The following NT5DC3 variants were observed in gnomAD, a reference collection of about 807,000 sequenced individuals.
The protein encoded by NT5DC3 is 5'-nucleotidase domain containing 3.
In NT5DC3, 42 loss-of-function variants were observed where a neutral mutation model predicts 67.8. The observed-to-expected ratio is 0.62, with a 90% confidence interval of 0.48 to 0.80. NT5DC3 has a LOEUF of 0.80. Ranked by LOEUF, NT5DC3 falls within the 30% of genes least tolerant of loss-of-function variation. The probability of loss-of-function intolerance (pLI) is 0.00; values close to 1 mark genes in which losing one functional copy is unlikely to be tolerated. For synonymous variants in NT5DC3, 237 were observed against 255.6 expected, an observed-to-expected ratio of 0.93 and a Z score of 0.69; for missense variants, 570 against 696.4, an observed-to-expected ratio of 0.82 and a Z score of 2.04.
chr12:103,807,009 A>G, intron 2 of NT5DC3, 80 bp from the exon 3 acceptor site: 1 of 812,036 alleles, frequency 1.2e-6, no homozygotes, highest in Non-Finnish European at 2.1e-6. Context: ...CCTTGTACAA[A>G]GGCTGAGGTA....
intron 10 of NT5DC3, among the ~76,000 whole-genome samples, chr12:103,788,609 C>T (rs965336070): frequency 2.6e-5 from 4 of 152,056 alleles, no homozygotes; most frequent in South Asian, 2.1e-4. Flanking sequence ...GAAAGTCATG[C>T]CTTAAATTTT....
chr12:103,756,724 T>A, the NT5DC3 span, among the ~76,000 whole-genome samples: 1 of 152,202 alleles, frequency 6.6e-6, no homozygotes, highest in East Asian at 1.9e-4. Flanking sequence ...GAAAGGGCAC[T>A]GAGCATGAGT....
chr12:103,807,009 A>T, intron 2 of NT5DC3, 80 bp from the exon 3 acceptor site: 1 of 812,036 alleles, frequency 1.2e-6, no homozygotes, highest in Non-Finnish European at 2.1e-6. Flanking sequence ...CCTTGTACAA[A>T]GGCTGAGGTA....
the NT5DC3 span, among the ~76,000 whole-genome samples, chr12:103,761,936 C>T: frequency 0.47 from 70,959 of 152,026 alleles, 17,567 homozygotes; most frequent in East Asian, 0.88. Context: ...GAGAGTTCCA[C>T]AGCATAGTGG....
chr12:103,780,863 G>A (rs1885520829), intron 12 of NT5DC3, among the ~76,000 whole-genome samples: 1 of 152,180 alleles, frequency 6.6e-6, no homozygotes, highest in African/African-American at 2.4e-5. Context: ...GCATGTCAAA[G>A]TATGTGCTTA....
chr12:103,782,880 G>C (rs1465985089), intron 12 of NT5DC3, among the ~76,000 whole-genome samples: 1 of 152,128 alleles, frequency 6.6e-6, no homozygotes, highest in Non-Finnish European at 1.5e-5. Flanking sequence ...CAGCTACTTG[G>C]GAGGCTGAGA....
In NT5DC3 at chr12:103,777,982, G is replaced by T. The variant is rs769267544; in HGVS notation, c.1494C>A (p.Asp498Glu). 3 of 1,614,242 alleles carry T rather than the reference G, an allele frequency of 1.9e-6. No homozygotes were observed. The Admixed American group carries it at 5.0e-5, about 27-fold the overall frequency. Residue 498 changes from aspartate to glutamate, a missense_variant, in exon 14 of 14, where the codon GAC (aspartate) becomes GAA (glutamate). Around this residue, in one of 2 missense-constraint regions of NT5DC3, gnomAD observed 466 missense variants for 608.0 expected, o/e 0.77. Transcript: ENST00000392876. ...GGCAGCTCAGAGACGCCATGTAGAT[G>T]TCAGCGAAGCGCGACAGGCGCCTTA... ...YFLRRLSRFA[D>E]IYMASLSCLL...
Position 103,788,707 on chromosome 12 carries a change from TAATCAATCAG to T in NT5DC3, c.1101+121_1101+130del, listed in dbSNP as rs1885903162. 3 of 666,608 alleles carry T rather than the reference TAATCAATCAG, an allele frequency of 4.5e-6. No individual in the cohort carries two copies. In the African/African-American group the frequency reaches 5.3e-5, roughly 12 times the overall value. The allele number at this position is 666,608 out of a possible 1,614,324, so 41.3% of individuals were successfully genotyped here. ...TAAACCTAAGTTTACCACCAAGTTA[TAATCAATCAG>T]TTCATGGGAATCACTCAGAACTGTG... On this transcript the variant is annotated intron_variant, in intron 10 of 13. Transcript: ENST00000392876.
chr12:103,746,658 G>T, the NT5DC3 span: 1 of 1,614,098 alleles, frequency 6.2e-7, no homozygotes, highest in Non-Finnish European at 8.5e-7. Context: ...AGAACAACAC[G>T]TGTGAGTGTA....
intron 12 of NT5DC3, 44 bp from the exon 13 acceptor site, chr12:103,780,408 T>C (rs1885502720): frequency 1.3e-6 from 2 of 1,575,172 alleles, no homozygotes; most frequent in East Asian, 2.2e-5. Context: ...TGATTTCAAA[T>C]AAGCTCATTA....
the NT5DC3 span, among the ~76,000 whole-genome samples, chr12:103,760,351 C>T: frequency 6.6e-6 from 1 of 152,194 alleles, no homozygotes; most frequent in Non-Finnish European, 1.5e-5. Context: ...ACCTCCCCCT[C>T]CTGGATTCAA....
intron 2 of NT5DC3, among the ~76,000 whole-genome samples, chr12:103,810,331 A>G (rs1319885191): frequency 6.6e-6 from 1 of 152,216 alleles, no homozygotes; most frequent in Non-Finnish European, 1.5e-5. Flanking sequence ...ACACAGCATC[A>G]GTAGAACACC....
chr12:103,758,333 T>C, the NT5DC3 span: 3 of 1,606,724 alleles, frequency 1.9e-6, no homozygotes, highest in Non-Finnish European at 2.5e-6. Flanking sequence ...TAGCATGTTA[T>C]CTATCACCAC....
chr12:103,836,018 C>T (rs568613239), intron 1 of NT5DC3, among the ~76,000 whole-genome samples: 8 of 152,132 alleles, frequency 5.3e-5, no homozygotes, highest in Non-Finnish European at 1.2e-4. Flanking sequence ...TATCAGATCT[C>T]GTGAGACTTA....
chr12:103,761,178 T>G, the NT5DC3 span: 1 of 808,840 alleles, frequency 1.2e-6, no homozygotes, highest in Non-Finnish European at 2.0e-6. Flanking sequence ...CTGGGCTGCC[T>G]ATCAGTGGAG....
At chr12:103,819,129 C>T (rs2139433889) in intron 1 of NT5DC3, among the ~76,000 whole-genome samples, 1 of 152,320 alleles carries the variant, frequency 6.6e-6, no homozygotes, top group Admixed American at 6.5e-5. Flanking sequence ...TCTCCAAAAG[C>T]TGCATGGGAA....
intron 2 of NT5DC3, among the ~76,000 whole-genome samples, chr12:103,811,911 G>A (rs887560278): frequency 6.6e-6 from 1 of 151,974 alleles, no homozygotes; most frequent in East Asian, 1.9e-4. Flanking sequence ...CATGGACACG[G>A]AGTGCGAGCG....
Position 103,800,677 on chromosome 12 carries a change from T to C in NT5DC3, c.525-2000A>G, listed in dbSNP as rs7138885. On this transcript the variant is annotated intron_variant, in intron 4 of 13. Coordinates refer to ENST00000392876, the MANE Select transcript of NT5DC3 (RefSeq NM_001031701.3). ...CACAACTGCAGCAGGCATGGGCAGA[T>C]TGCCCGGCCACATCTGAATGCAGCC... Among the ~76,000 whole-genome samples the C allele has an allele frequency of 2.0e-3, 301 of 152,342 alleles. 1 individual carries two copies. The highest frequency in any genetic ancestry group is 6.8e-3 in the African/African-American group (281 of 41,584).
chr12:103,768,032 G>A (rs1358611875), downstream of NT5DC3, among the ~76,000 whole-genome samples: 2 of 147,026 alleles, frequency 1.4e-5, no homozygotes, highest in African/African-American at 5.0e-5. Context: ...AGGTTGCAGT[G>A]AGCTGAGATC....
Sources: gnomAD v4.1 joint callset for allele counts (sites outside exome capture counted in the v4.1 genomes callset) on GRCh38, gnomAD v4.1.1 for gene constraint, gnomAD v4.1.1 regional missense constraint, MANE v1.5 for transcripts, NCBI Gene and HGNC (gene_info 2026-07-23, HGNC 2026-07-21) for gene names.